The following PCM1 variants were observed in gnomAD, a reference collection of about 807,000 sequenced individuals.
The protein encoded by PCM1 is pericentriolar material 1, also known as pericentriolar material 1 protein.
A neutral mutation model predicts 241.9 loss-of-function variants in PCM1; 157 were observed. That is an observed-to-expected ratio of 0.65 (90% CI 0.57 to 0.74). The LOEUF is 0.74. Among genes scored for constraint, PCM1 ranks in the 30% least tolerant of loss-of-function variants. The pLI is 0.00. For synonymous variants in PCM1, 1,085 were observed against 784.9 expected, an observed-to-expected ratio of 1.38 and a Z score of -6.39; for missense variants, 3,478 against 2,360.1, an observed-to-expected ratio of 1.47 and a Z score of -9.81.
Position 17,950,718 on chromosome 8 carries a change from T to A in PCM1, c.1065T>A (p.Asp355Glu), listed in dbSNP as rs757519698. 3.2e-6 allele frequency: 5 copies of A among 1,548,784 alleles called. No homozygotes were observed. In the African/African-American group the frequency reaches 5.4e-5, roughly 17 times the overall value. Residue 355 changes from aspartate to glutamate, a missense_variant, in exon 8 of 39, where the codon GAT becomes GAA. Physicochemically the swap from Asp to Glu is conservative, Grantham distance 45 (BLOSUM62 2). Transcript: ENST00000325083. ...AGCGTTTTCATAATCAGCTTCGTGA[T>A]TCTCAGGTAACCTAGATGTTTTAGT... ...LIQRFHNQLRDSQPPAVPDNR... is the reference protein window; with the variant it reads ...LIQRFHNQLRESQPPAVPDNR...
chr8:18,026,058 G>A (rs199986111), intron 38 of PCM1, among the ~76,000 whole-genome samples: 2 of 147,758 alleles, frequency 1.4e-5, no homozygotes, highest in Admixed American at 6.9e-5. Context: ...CAGCTACTCG[G>A]GAGGCTGAGG....
At chr8:18,021,130 A>G (rs1380257587) in intron 36 of PCM1, among the ~76,000 whole-genome samples, 2 of 152,220 alleles carry the variant, frequency 1.3e-5, no homozygotes, top group African/African-American at 4.8e-5. Flanking sequence ...AGTTGAAACA[A>G]CAAAAATGGA....
At chr8:17,931,433 C>T (rs938576344) in intron 2 of PCM1, among the ~76,000 whole-genome samples, 7 of 152,162 alleles carry the variant, frequency 4.6e-5, no homozygotes, top group East Asian at 1.9e-4. Flanking sequence ...GGACTACAGG[C>T]GTGTGCCACC....
chr8:18,024,404 T>A (rs1331021641), intron 36 of PCM1, among the ~76,000 whole-genome samples: 1 of 152,176 alleles, frequency 6.6e-6, no homozygotes, highest in Non-Finnish European at 1.5e-5. Context: ...ACAGTTATGA[T>A]TCATAATTTC....
rs950704722 is a variant in PCM1, at chr8:17,966,393, A to T, written c.3141A>T (p.Ala1047=). Residue 1047 remains alanine (A), a synonymous_variant, in exon 20 of 39, where the codon GCA becomes GCT. Transcript: ENST00000325083. ...ACAGTGTTATGCCCAGCAATGTTGC[A>T]TCTCCTCAAGTACACTTCATAATGC... is the stretch of plus-strand genomic sequence containing the variant. The part of the protein sequence containing the change: ...GPYSVMPSNV[A]SPQVHFIMHQ... The T allele has an allele frequency of 8.7e-6, 14 of 1,613,620 alleles. No individual in the cohort carries two copies. Among genetic ancestry groups the T allele is most frequent in the Non-Finnish European group, 1.2e-5 (14 of 1,179,666 alleles).
intron 24 of PCM1, among the ~76,000 whole-genome samples, chr8:17,984,145 T>G: frequency 6.6e-6 from 1 of 152,122 alleles, no homozygotes; most frequent in East Asian, 1.9e-4. Context: ...TTGAGAATAA[T>G]TTAATTTTTA....
intron 23 of PCM1, among the ~76,000 whole-genome samples, chr8:17,976,319 C>G (rs1018836918): frequency 6.6e-6 from 1 of 152,148 alleles, no homozygotes; most frequent in South Asian, 2.1e-4. Context: ...AACGATTGTC[C>G]CTTGAATGGT....
Position 17,929,591 on chromosome 8 carries a change from G to C in PCM1, c.-23+4811G>C, listed in dbSNP as rs1435442665. Among the ~76,000 whole-genome samples the C allele has an allele frequency of 2.6e-5, 4 of 152,130 alleles. No homozygotes were observed. The South Asian group carries it at 8.3e-4, about 32-fold the overall frequency. On this transcript the variant is annotated intron_variant, in intron 2 of 38. Coordinates refer to ENST00000325083, the MANE Select transcript of PCM1 (RefSeq NM_006197.4). Reference sequence around the variant, plus strand: ...TGTTTCTTTTCTGATCAGTTTAACTGTGTGTCACATACCCAGTTTCTAGCA... The same window carrying C: ...TGTTTCTTTTCTGATCAGTTTAACTCTGTGTCACATACCCAGTTTCTAGCA...
At chr8:17,933,890 G>C (rs931218679) in intron 2 of PCM1, among the ~76,000 whole-genome samples, 5 of 151,590 alleles carry the variant, frequency 3.3e-5, no homozygotes, top group African/African-American at 1.2e-4. Flanking sequence ...CTTATTTTAA[G>C]CATAATGTTG....
In PCM1 at chr8:18,028,073, G is replaced by GAAAT. The variant is rs1230331770; in HGVS notation, c.*413_*416dup. The GAAAT allele has an allele frequency of 1.9e-5, 4 of 212,970 alleles. No individual in the cohort carries two copies. In the Admixed American group the frequency reaches 2.3e-4, roughly 12 times the overall value. The allele number at this position is 212,970 out of a possible 1,614,324, so 13.2% of individuals were successfully genotyped here. ...GAGCAATGGTTAAGAGTTAGTTAGA[G>GAAAT]AAATATATTATTTGTTATAAAGCCC... is the stretch of plus-strand genomic sequence containing the variant. On this transcript the variant is annotated 3_prime_UTR_variant, in exon 39 of 39. Transcript: ENST00000325083.
At chr8:17,958,444 A>C (rs78336844) in intron 13 of PCM1, among the ~76,000 whole-genome samples, 9,658 of 152,216 alleles carry the variant, frequency 0.063, 519 homozygotes, top group East Asian at 0.31. Flanking sequence ...TATTTATACA[A>C]ATGTAAAAAT....
chr8:17,929,646 A>C (rs796839389), intron 2 of PCM1, among the ~76,000 whole-genome samples: 1 of 152,060 alleles, frequency 6.6e-6, no homozygotes, highest in African/African-American at 2.4e-5. Context: ...TAACTCTACT[A>C]TCCTTTAACT....
chr8:18,010,566 C>CT (rs775642850), intron 31 of PCM1, 43 bp from the exon 32 acceptor site: 2 of 1,423,988 alleles, frequency 1.4e-6, no homozygotes, highest in South Asian at 2.5e-5. Context: ...AATTATGTAT[C>CT]TAAGTATGTT....
At chr8:17,968,303 G>A (rs1189503418) in intron 21 of PCM1, among the ~76,000 whole-genome samples, 3 of 152,294 alleles carry the variant, frequency 2.0e-5, no homozygotes, top group Non-Finnish European at 2.9e-5. Flanking sequence ...TATTGCAGAC[G>A]AGGGTGCCAT....
chr8:17,984,345 G>C (rs2081919599), intron 24 of PCM1, among the ~76,000 whole-genome samples: 1 of 151,898 alleles, frequency 6.6e-6, no homozygotes, highest in Middle Eastern at 3.2e-3. Flanking sequence ...ATTGCTTACA[G>C]AGATAATTTT....
At chr8:17,979,383 A>G (rs1392476538) in intron 23 of PCM1, among the ~76,000 whole-genome samples, 2 of 152,204 alleles carry the variant, frequency 1.3e-5, no homozygotes, top group Non-Finnish European at 2.9e-5. Context: ...GCATTTTTGT[A>G]TACTAAGAAA....
At chr8:17,936,152 T>C (rs1220096695) in intron 3 of PCM1, among the ~76,000 whole-genome samples, 1 of 152,218 alleles carries the variant, frequency 6.6e-6, no homozygotes, top group African/African-American at 2.4e-5. Flanking sequence ...GGTGCAGTTA[T>C]GTACTGACTA....
At chr8:17,936,872 G>A (rs2060586538) in intron 3 of PCM1, among the ~76,000 whole-genome samples, 1 of 152,108 alleles carries the variant, frequency 6.6e-6, no homozygotes, top group South Asian at 2.1e-4. Context: ...TGATTTTAGG[G>A]TTGGCATTTG....
At position 17,993,538 on chromosome 8, in the gene PCM1, C is replaced by A; in HGVS notation, c.4746C>A (p.Thr1582=). 1 of 1,592,392 alleles carries A rather than the reference C, an allele frequency of 6.3e-7. No homozygotes were observed. Among genetic ancestry groups the A allele is most frequent in the Non-Finnish European group, 8.6e-7 (1 of 1,168,636 alleles). ...AACAACCTGTAAGTGAAGTTTCTAC[C>A]ATCCCATGTCCTAGAATTGATACTC... ...SSQQPVSEVS[T]IPCPRIDTQQ... The change falls in exon 29 of 39, where the codon ACC becomes ACA. Residue 1582 remains threonine (T), a synonymous_variant. Coordinates refer to ENST00000325083, the MANE Select transcript of PCM1 (RefSeq NM_006197.4).
Sources: allele counts gnomAD v4.1 joint callset (sites outside exome capture counted in the v4.1 genomes callset), GRCh38; gene constraint gnomAD v4.1.1; transcripts MANE v1.5; gene names NCBI Gene and HGNC (gene_info 2026-07-23, HGNC 2026-07-21).